The following ZFP2 variants were observed in gnomAD, a reference collection of about 807,000 sequenced individuals.
ZFP2 encodes ZFP2 zinc finger protein.
ZFP2 carries 33 observed loss-of-function variants against 36.1 expected under a neutral mutation model. That is an observed-to-expected ratio of 0.92 (90% confidence interval 0.69 to 1.22). The LOEUF is 1.22. Among genes scored for constraint, ZFP2 ranks in the 50% most tolerant of loss-of-function variants. The pLI is 0.00. For synonymous variants in ZFP2, 170 were observed against 178.0 expected, an observed-to-expected ratio of 0.96 and a Z score of 0.36; for missense variants, 522 against 551.4, an observed-to-expected ratio of 0.95 and a Z score of 0.53.
chr5:178,922,715 CAATT>C lies in ZFP2; in HGVS notation c.-78+6008_-78+6011del. On this transcript the variant is annotated intron_variant, in intron 4 of 4. Transcript: ENST00000361362. The stretch of plus-strand genomic sequence containing the variant: ...ATAGAAAGCAACTTACATACAAGAA[CAATT>C]AACTGGAGCAAAGGGAGATATTTCT... The C allele has an allele frequency of 4.4e-6, 7 of 1,577,318 alleles. 1 individual carries two copies. The highest frequency in any genetic ancestry group is 6.1e-6 in the Non-Finnish European group (7 of 1,152,504).
chr5:178,898,123 G>C (rs1482348099), intron 1 of ZFP2, among the ~76,000 whole-genome samples: 2 of 151,986 alleles, frequency 1.3e-5, no homozygotes, highest in Non-Finnish European at 2.9e-5. Context: ...TGAGTGGCTG[G>C]GATTACAGGC....
intron 4 of ZFP2, among the ~76,000 whole-genome samples, chr5:178,919,958 G>A (rs1758519741): frequency 7.2e-6 from 1 of 139,350 alleles, no homozygotes; most frequent in African/African-American, 2.6e-5. Flanking sequence ...AGTGGACTCT[G>A]TCTCAAAAGA....
rs1307545583 is a variant in ZFP2, at chr5:178,932,580, T to C, written c.1267T>C (p.Ser423Pro). The change falls in exon 5 of 5, where the codon TCA (serine) becomes CCA (proline). Residue 423 changes from serine (S) to proline (P), a missense_variant. Ser to Pro is a moderately conservative substitution (Grantham distance 74). Coordinates refer to ENST00000361362, the MANE Select transcript of ZFP2 (RefSeq NM_030613.4). ...GTGTGGAAAAGCCTTCATTAAGAAT[T>C]CATCCCTTACAGTGCATCAGAGAAC... is the stretch of plus-strand genomic sequence containing the variant. ...DQCGKAFIKN[S>P]SLTVHQRTHT... The C allele has an allele frequency of 6.2e-7, 1 of 1,613,772 alleles. No homozygotes were observed. The highest frequency in any genetic ancestry group is 8.5e-7 in the Non-Finnish European group (1 of 1,179,984).
intron 1 of ZFP2, among the ~76,000 whole-genome samples, chr5:178,897,692 T>C (rs918006177): frequency 2.0e-5 from 3 of 152,218 alleles, no homozygotes; most frequent in African/African-American, 7.2e-5. Context: ...TTGAACCATT[T>C]AGGTTGGTAG....
chr5:178,917,744 A>C (rs1040254334), intron 4 of ZFP2, among the ~76,000 whole-genome samples: 1 of 152,250 alleles, frequency 6.6e-6, no homozygotes, highest in African/African-American at 2.4e-5. Context: ...AAGAGTCTCT[A>C]TCTGCCTGCA....
intron 4 of ZFP2, among the ~76,000 whole-genome samples, chr5:178,927,276 C>G (rs1456746756): frequency 6.6e-6 from 1 of 152,146 alleles, no homozygotes; most frequent in East Asian, 1.9e-4. Flanking sequence ...TTAGGACTGT[C>G]TTACCCCTGT....
chr5:178,928,599 TG>T (rs1758746731), intron 4 of ZFP2, among the ~76,000 whole-genome samples: 1 of 152,332 alleles, frequency 6.6e-6, no homozygotes, highest in Non-Finnish European at 1.5e-5. Flanking sequence ...CTGCGAGGGG[TG>T]GAGTCCCTAG....
chr5:178,914,173 TA>T lies in ZFP2; in HGVS notation c.-224+1103del, dbSNP rs1396017774. ...GCCTGGCCCTAATCATTTCTTTGTA[TA>T]TTTTTTTTAAATTAAAGAGATAGGC... On this transcript the variant is annotated intron_variant, in intron 3 of 4. Transcript: ENST00000361362. 9.2e-5 allele frequency among the ~76,000 whole-genome samples: 14 copies of T among 152,306 alleles called. No homozygotes were observed. In the East Asian group the frequency reaches 1.9e-3, roughly 21 times the overall value.
intron 1 of ZFP2, among the ~76,000 whole-genome samples, chr5:178,902,302 A>G (rs1241515564): frequency 2.0e-5 from 3 of 152,152 alleles, no homozygotes; most frequent in Non-Finnish European, 4.4e-5. Flanking sequence ...TGTGCTTTCT[A>G]TTATCATACC....
intron 1 of ZFP2, 21 bp downstream of exon 1, chr5:178,895,995 G>C (rs1168970433): frequency 6.6e-6 from 1 of 152,362 alleles, no homozygotes; most frequent in Non-Finnish European, 1.5e-5. Flanking sequence ...GGCCGGTGGC[G>C]GGGGCGCGCG....
chr5:178,899,554 C>A (rs574713416), intron 1 of ZFP2, among the ~76,000 whole-genome samples: 1 of 151,824 alleles, frequency 6.6e-6, no homozygotes, highest in African/African-American at 2.4e-5. Context: ...ATTTTAGGAC[C>A]AAGTGTCGGG....
chr5:178,930,616 C>T (rs375615147), intron 4 of ZFP2, among the ~76,000 whole-genome samples: 26 of 152,212 alleles, frequency 1.7e-4, no homozygotes, highest in Middle Eastern at 6.8e-3. Flanking sequence ...CCACCACACC[C>T]GGGCTTGACC....
intron 4 of ZFP2, among the ~76,000 whole-genome samples, chr5:178,918,749 A>T (rs1018665820): frequency 2.6e-5 from 4 of 152,254 alleles, no homozygotes; most frequent in Non-Finnish European, 5.9e-5. Flanking sequence ...TTAATGTAAA[A>T]TAGTAATGAT....
chr5:178,909,611 C>G, intron 1 of ZFP2: 4 of 1,233,866 alleles, frequency 3.2e-6, no homozygotes, highest in Non-Finnish European at 4.3e-6. Flanking sequence ...GAAGTAGAAA[C>G]TATCCTGATC....
At chr5:178,913,476 A>G (rs940652246) in intron 3 of ZFP2, among the ~76,000 whole-genome samples, 2 of 152,144 alleles carry the variant, frequency 1.3e-5, no homozygotes, top group Admixed American at 6.5e-5. Context: ...TCTGTCATTC[A>G]TGTAAATATT....
Position 178,931,219 on chromosome 5 carries a change from ATT to A in ZFP2, c.-77-5_-77-4del, listed in dbSNP as rs10611847. On this transcript the variant is annotated splice_polypyrimidine_tract_variant and intron_variant, in intron 4 of 4. Transcript: ENST00000361362. ...AGCACAGAAACCAATGTGCATTTGA[ATT>A]TTTTTTTTTTTTCAGACTGGGAGAC... 380,644 of 1,337,768 alleles carry A rather than the reference ATT, an allele frequency of 0.28. 29,394 individuals are homozygous for A. Among genetic ancestry groups the A allele is most frequent in the South Asian group, 0.33 (20,807 of 63,034 alleles). 82.9% of individuals were successfully genotyped at this position (1,337,768 alleles called of 1,614,324 possible).
Position 178,909,622 on chromosome 5 carries a change from T to G in ZFP2, c.-449-2962T>G. ...GTGTGAAGTAGAAACTATCCTGATCTTCAGTAATTTCCCAAAAGGTCCAAT... is the reference window on the plus strand; with the variant it reads ...GTGTGAAGTAGAAACTATCCTGATCGTCAGTAATTTCCCAAAAGGTCCAAT... On this transcript the variant is annotated intron_variant, in intron 1 of 4. Coordinates refer to ENST00000361362, the MANE Select transcript of ZFP2 (RefSeq NM_030613.4). 3.8e-6 allele frequency: 5 copies of G among 1,309,562 alleles called. No individual in the cohort carries two copies. The South Asian group carries it at 1.0e-4, about 26-fold the overall frequency. The allele number at this position is 1,309,562 out of a possible 1,614,324, so 81.1% of individuals were successfully genotyped here.
intron 1 of ZFP2, chr5:178,910,367 C>T (rs1412414444): frequency 9.5e-6 from 10 of 1,048,262 alleles, no homozygotes; most frequent in African/African-American, 1.6e-5. Flanking sequence ...AGGAAGACTC[C>T]TCGGCACTGG....
rs556422071 is a variant in ZFP2 at position 178,898,933 on chromosome 5, C to T, written c.-450+2959C>T. Among the ~76,000 whole-genome samples, 10 of 152,242 alleles carry T rather than the reference C, an allele frequency of 6.6e-5. No homozygotes were observed. The South Asian group carries it at 8.3e-4, about 13-fold the overall frequency. Reference sequence around the variant, plus strand: ...TGCTGGTGCTTATAGGGCTTATGGGCTCTCAGGGATCATAAAAGAGGGCAC... The same window carrying T: ...TGCTGGTGCTTATAGGGCTTATGGGTTCTCAGGGATCATAAAAGAGGGCAC... On this transcript the variant is annotated intron_variant, in intron 1 of 4. Transcript: ENST00000361362.
Sources: allele counts gnomAD v4.1 joint callset (sites outside exome capture counted in the v4.1 genomes callset), GRCh38; gene constraint gnomAD v4.1.1; transcripts MANE v1.5; gene names NCBI Gene and HGNC (gene_info 2026-07-23, HGNC 2026-07-21).